PGGT1B: variants seen among roughly 807,000 people sequenced by gnomAD.
PGGT1B encodes the protein protein geranylgeranyltransferase type I subunit beta.
Under a neutral mutation model 46.1 loss-of-function variants are expected in PGGT1B, and 30 were observed. The ratio of observed to expected loss-of-function variants is 0.65; its 90% CI spans 0.49 to 0.88. PGGT1B has a LOEUF of 0.88. PGGT1B is among the 40% of genes least tolerant of loss of function. The probability of loss-of-function intolerance (pLI) is 0.00; values close to 1 mark genes in which losing one functional copy is unlikely to be tolerated. For missense variants in PGGT1B, 376 were observed against 455.9 expected (o/e 0.82, Z 1.60); for synonymous variants, 170 against 160.0 (o/e 1.06, Z -0.47).
At chr5:115,238,929 G>C (rs548413102) in intron 3 of PGGT1B, among the ~76,000 whole-genome samples, 1 of 152,112 alleles carries the variant, frequency 6.6e-6, no homozygotes, top group Non-Finnish European at 1.5e-5. Flanking sequence ...CCCATGAATC[G>C]TAAGATTTTC....
At chr5:115,239,571 A>G (rs958207106) in intron 3 of PGGT1B, among the ~76,000 whole-genome samples, 2 of 152,242 alleles carry the variant, frequency 1.3e-5, no homozygotes, top group Non-Finnish European at 2.9e-5. Context: ...CATAAATTAA[A>G]TGTGGTCCTT....
At chr5:115,259,198 CA>C (rs1199472470) in intron 1 of PGGT1B, among the ~76,000 whole-genome samples, 1 of 152,316 alleles carries the variant, frequency 6.6e-6, no homozygotes, top group South Asian at 2.1e-4. Flanking sequence ...TCCTATAAGG[CA>C]AACAGTCTCT....
intron 2 of PGGT1B, among the ~76,000 whole-genome samples, chr5:115,242,491 A>G (rs937680083): frequency 2.0e-5 from 3 of 152,208 alleles, no homozygotes; most frequent in African/African-American, 7.2e-5. Context: ...GACTAACTTC[A>G]TTATTAACTG....
intron 6 of PGGT1B, among the ~76,000 whole-genome samples, chr5:115,227,723 C>A (rs1756832095): frequency 6.6e-6 from 1 of 152,106 alleles, no homozygotes; most frequent in South Asian, 2.1e-4. Flanking sequence ...TGTATAAAAT[C>A]ATATTTCTAT....
At chr5:115,220,688 A>C (rs1756562004) in intron 7 of PGGT1B, among the ~76,000 whole-genome samples, 1 of 151,950 alleles carries the variant, frequency 6.6e-6, no homozygotes, top group Non-Finnish European at 1.5e-5. Context: ...ATACAATAGG[A>C]AATATACGTG....
intron 2 of PGGT1B, among the ~76,000 whole-genome samples, chr5:115,242,803 C>T (rs559722685): frequency 6.6e-6 from 1 of 152,086 alleles, no homozygotes; most frequent in Non-Finnish European, 1.5e-5. Context: ...CACATCTATA[C>T]TAATAATACA....
At chr5:115,223,039 G>A (rs1756635199) in intron 6 of PGGT1B, among the ~76,000 whole-genome samples, 1 of 151,788 alleles carries the variant, frequency 6.6e-6, no homozygotes, top group Admixed American at 6.6e-5. Flanking sequence ...AATGGGTGCA[G>A]CACACCAACA....
intron 1 of PGGT1B, chr5:115,262,381 A>C: frequency 3.2e-6 from 1 of 313,820 alleles, no homozygotes; most frequent in Non-Finnish European, 6.1e-6. Flanking sequence ...ACGACGACAA[A>C]CTTTGTCCTT....
chr5:115,223,323 A>G (rs1364065072), intron 6 of PGGT1B, among the ~76,000 whole-genome samples: 4 of 152,234 alleles, frequency 2.6e-5, no homozygotes, highest in Non-Finnish European at 5.9e-5. Flanking sequence ...AGGCTTTGCA[A>G]ATGTGATTAA....
chr5:115,212,606 A>G (rs957810220), intron 8 of PGGT1B, 23 bp from the exon 9 acceptor site: 1 of 1,520,618 alleles, frequency 6.6e-7, no homozygotes, highest in African/African-American at 1.4e-5. Flanking sequence ...CATTTAAAAC[A>G]TCATAATAGG....
At chr5:115,236,847 T>C (rs1363443929) in intron 4 of PGGT1B, among the ~76,000 whole-genome samples, 1 of 152,178 alleles carries the variant, frequency 6.6e-6, no homozygotes, top group African/African-American at 2.4e-5. Flanking sequence ...GTATACTGGC[T>C]TGAGAATGGC....
At chr5:115,245,031 G>C (rs1036689640) in intron 2 of PGGT1B, among the ~76,000 whole-genome samples, 1 of 151,756 alleles carries the variant, frequency 6.6e-6, no homozygotes, top group Admixed American at 6.6e-5. Flanking sequence ...TTTTTTAAAG[G>C]GTATCCTTTC....
intron 6 of PGGT1B, 83 bp from the exon 7 acceptor site, chr5:115,222,091 G>T: frequency 2.7e-6 from 2 of 732,058 alleles, no homozygotes; most frequent in Non-Finnish European, 4.1e-6. Context: ...GGGAAAAAGT[G>T]GTTATATAAT....
chr5:115,225,155 C>T (rs1267738049), intron 6 of PGGT1B, among the ~76,000 whole-genome samples: 1 of 151,906 alleles, frequency 6.6e-6, no homozygotes, highest in Non-Finnish European at 1.5e-5. Context: ...ATAGTATGAA[C>T]AAAAGTTTAA....
chr5:115,251,154 T>C (rs563775892), intron 2 of PGGT1B, among the ~76,000 whole-genome samples: 1 of 152,180 alleles, frequency 6.6e-6, no homozygotes, highest in Non-Finnish European at 1.5e-5. Flanking sequence ...AACATACATA[T>C]GTTCAGCTTT....
Position 115,240,235 on chromosome 5 carries a change from G to A in PGGT1B, c.327+1304C>T, listed in dbSNP as rs74798477. ...TTTCAGGAGACTCTGTGAACCAAGG[G>A]CAATAATGGTTTTTTCTTCAATTTT... On this transcript the variant is annotated intron_variant, in intron 3 of 8. Coordinates refer to ENST00000419445, the MANE Select transcript of PGGT1B (RefSeq NM_005023.4). 3.2e-3 allele frequency among the ~76,000 whole-genome samples: 480 copies of A among 152,224 alleles called. 4 individuals are homozygous for A. In the East Asian group the frequency reaches 0.055, roughly 18 times the overall value.
intron 7 of PGGT1B, among the ~76,000 whole-genome samples, chr5:115,220,479 T>C (rs1756554690): frequency 6.6e-6 from 1 of 151,898 alleles, no homozygotes; most frequent in Admixed American, 6.6e-5. Context: ...GTTTAATGTA[T>C]ACAGGATTTA....
intron 8 of PGGT1B, among the ~76,000 whole-genome samples, chr5:115,212,813 A>T (rs1756276439): frequency 2.0e-5 from 3 of 152,208 alleles, no homozygotes; most frequent in Non-Finnish European, 4.4e-5. Flanking sequence ...TTAACAAAGG[A>T]AAACAGTTTC....
chr5:115,225,972 G>C lies in PGGT1B; in HGVS notation c.659-3964C>G, dbSNP rs189595471. On this transcript the variant is annotated intron_variant, in intron 6 of 8. Coordinates refer to ENST00000419445, the MANE Select transcript of PGGT1B (RefSeq NM_005023.4). Reference sequence around the variant, plus strand: ...CAAGTGAAGTAAATTCAAGGGAGTTGATTATTTAGATTTAATATTTATCTT... The same window carrying C: ...CAAGTGAAGTAAATTCAAGGGAGTTCATTATTTAGATTTAATATTTATCTT... Among the ~76,000 whole-genome samples the C allele has an allele frequency of 1.8e-3, 257 of 146,502 alleles. 1 individual carries two copies. The highest frequency in any genetic ancestry group is 7.1e-3 in the Middle Eastern group (2 of 280).
Sources: gnomAD v4.1 joint callset for allele counts (sites outside exome capture counted in the v4.1 genomes callset) on GRCh38, gnomAD v4.1.1 for gene constraint, MANE v1.5 for transcripts, NCBI Gene and HGNC (gene_info 2026-07-23, HGNC 2026-07-21) for gene names.